CA5A: variants seen among roughly 807,000 people sequenced by gnomAD.
CA5A encodes carbonic anhydrase 5A, also known as carbonic anhydrase 5A, mitochondrial.
A neutral mutation model predicts 37.1 loss-of-function variants in CA5A; 28 were observed. The observed-to-expected ratio is 0.75, with a 90% CI of 0.56 to 1.03. CA5A has a LOEUF of 1.03. CA5A is among the 50% of genes least tolerant of loss of function. The pLI is 0.00. For missense variants in CA5A, 444 were observed against 399.9 expected, an observed-to-expected ratio of 1.11 and a Z score of -0.94; for synonymous variants, 171 against 158.4, an observed-to-expected ratio of 1.08 and a Z score of -0.60.
intron 2 of CA5A, among the ~76,000 whole-genome samples, chr16:87,905,368 GTTTTA>G (rs1012708297): frequency 1.3e-5 from 2 of 152,092 alleles, no homozygotes; most frequent in African/African-American, 4.8e-5. Context: ...GTCTTGTTTT[GTTTTA>G]TTTTAAGACA....
chr16:87,892,328 G>C (rs566024619), intron 5 of CA5A: 1 of 157,590 alleles, frequency 6.3e-6, no homozygotes, highest in East Asian at 1.9e-4. Context: ...TGGTCAACGT[G>C]GTGAAACCCT....
downstream of CA5A, chr16:87,884,826 G>T (rs1469121021): frequency 1.3e-5 from 2 of 152,104 alleles, no homozygotes; most frequent in Non-Finnish European, 2.9e-5. Flanking sequence ...ACATGAAAGG[G>T]CACCTATTGG....
chr16:87,914,488 C>A (rs185310272), intron 2 of CA5A, among the ~76,000 whole-genome samples: 2 of 152,306 alleles, frequency 1.3e-5, no homozygotes, highest in Admixed American at 6.5e-5. Flanking sequence ...CCCCGCTGCA[C>A]CCCCGTCTGT....
rs981865869 is a variant in CA5A at position 87,893,579 on chromosome 16, G to A, written c.619-1625C>T. The A allele has an allele frequency of 3.3e-5, 22 of 672,206 alleles. No homozygotes were observed. The African/African-American group carries it at 3.7e-4, about 11-fold the overall frequency. The allele number at this position is 672,206 out of a possible 1,614,324, so 41.6% of individuals were successfully genotyped here. A position where few individuals can be genotyped will look rare whatever the true frequency, so the allele number is the denominator to read the frequency against. On this transcript the variant is annotated intron_variant, in intron 5 of 6. Coordinates refer to ENST00000649794, the MANE Select transcript of CA5A (RefSeq NM_001739.2). The stretch of plus-strand genomic sequence containing the variant: ...CGGCCTAAAGGTCTGGAGGGTGGGC[G>A]ACCTGCAAGACTCACAAGAGGGGAA...
At chr16:87,932,203 G>A (rs934743382) in intron 1 of CA5A, among the ~76,000 whole-genome samples, 2 of 151,966 alleles carry the variant, frequency 1.3e-5, no homozygotes, top group African/African-American at 4.8e-5. Flanking sequence ...CCCCTCCCAC[G>A]GCCGCTGCCT....
At chr16:87,918,289 T>TG (rs967323758) in intron 2 of CA5A, among the ~76,000 whole-genome samples, 1 of 152,178 alleles carries the variant, frequency 6.6e-6, no homozygotes, top group African/African-American at 2.4e-5. Flanking sequence ...GAGCTGTCTG[T>TG]GGGGGGCACT....
chr16:87,892,031 G>T, intron 5 of CA5A, 77 bp from the exon 6 acceptor site: 1 of 1,322,958 alleles, frequency 7.6e-7, no homozygotes, highest in Non-Finnish European at 1.0e-6. Context: ...AGCACGTGAG[G>T]CCTTCATGGT....
At chr16:87,916,100 G>A (rs569997664) in intron 2 of CA5A, among the ~76,000 whole-genome samples, 10 of 151,356 alleles carry the variant, frequency 6.6e-5, no homozygotes, top group Middle Eastern at 3.4e-3. Flanking sequence ...CCCGGGAGGT[G>A]GAGCTTGCAG....
At chr16:87,930,451 G>A (rs2056386117) in intron 1 of CA5A, among the ~76,000 whole-genome samples, 1 of 152,162 alleles carries the variant, frequency 6.6e-6, no homozygotes, top group Admixed American at 6.6e-5. Flanking sequence ...CCAGTGGCAA[G>A]GACCTCCCCC....
intron 1 of CA5A, among the ~76,000 whole-genome samples, chr16:87,928,724 TC>T (rs2056350469): frequency 6.6e-6 from 1 of 151,530 alleles, no homozygotes; most frequent in African/African-American, 2.4e-5. Context: ...TGCTGTTCTT[TC>T]TCTGTATTCT....
At chr16:87,919,312 C>A (rs557824185) in intron 2 of CA5A, among the ~76,000 whole-genome samples, 2 of 152,224 alleles carry the variant, frequency 1.3e-5, no homozygotes, top group African/African-American at 4.8e-5. Context: ...CTCGGCTGTC[C>A]TGCGGGAGTG....
rs1410480898 is a variant in CA5A at position 87,891,789 on chromosome 16, C to G, written c.774+10G>C. The G allele has an allele frequency of 2.7e-6, 4 of 1,491,846 alleles. No homozygotes were observed. The highest frequency in any genetic ancestry group is 3.6e-6 in the Non-Finnish European group (4 of 1,124,296). The allele number at this position is 1,491,846 out of a possible 1,614,324, so 92.4% of individuals were successfully genotyped here. On this transcript the variant is annotated intron_variant, in intron 6 of 6. Coordinates refer to ENST00000649794, the MANE Select transcript of CA5A (RefSeq NM_001739.2). ...GAAGCGCCATCGTGCCAGTTACGGGCACGGCTCACCTGGCTTGGGGCCACT... is the reference window on the plus strand; with the variant it reads ...GAAGCGCCATCGTGCCAGTTACGGGGACGGCTCACCTGGCTTGGGGCCACT...
chr16:87,900,708 C>A (rs1441635910), intron 5 of CA5A, among the ~76,000 whole-genome samples: 2 of 152,228 alleles, frequency 1.3e-5, no homozygotes, highest in Non-Finnish European at 2.9e-5. Context: ...GATCGCTGGG[C>A]GGAGAGCTGC....
intron 5 of CA5A, chr16:87,893,711 T>C: frequency 1.9e-6 from 1 of 517,084 alleles, no homozygotes. Context: ...GCAGATTTGG[T>C]CGTGGACATG....
chr16:87,895,413 C>G, intron 5 of CA5A, among the ~76,000 whole-genome samples: 1 of 151,932 alleles, frequency 6.6e-6, no homozygotes, highest in Admixed American at 6.6e-5. Context: ...GGCGTGGTGG[C>G]GCATGCCTGT....
chr16:87,920,956 G>A (rs546216649), intron 2 of CA5A, among the ~76,000 whole-genome samples: 1 of 152,068 alleles, frequency 6.6e-6, no homozygotes, highest in Non-Finnish European at 1.5e-5. Context: ...ATCACGCCTG[G>A]CTACTTTTGT....
At chr16:87,899,099 C>G (rs2055841386) in intron 5 of CA5A, among the ~76,000 whole-genome samples, 1 of 151,954 alleles carries the variant, frequency 6.6e-6, no homozygotes. Flanking sequence ...GTGCGCAGCT[C>G]AGGAGTGGTG....
At chr16:87,897,444 C>T (rs2055820861) in intron 5 of CA5A, among the ~76,000 whole-genome samples, 1 of 150,920 alleles carries the variant, frequency 6.6e-6, no homozygotes, top group Non-Finnish European at 1.5e-5. Context: ...TGGGGCTGTG[C>T]CTGCGTGCTG....
chr16:87,928,760 G>GTTTT (rs60994571), intron 1 of CA5A, among the ~76,000 whole-genome samples: 6 of 57,922 alleles, frequency 1.0e-4, no homozygotes, highest in Admixed American at 4.8e-4. Context: ...TCTTTTCTTT[G>GTTTT]TTTTTTTTTT....
Sources: gnomAD v4.1 joint callset for allele counts (sites outside exome capture counted in the v4.1 genomes callset) on GRCh38, gnomAD v4.1.1 for gene constraint, MANE v1.5 for transcripts, NCBI Gene and HGNC (gene_info 2026-07-23, HGNC 2026-07-21) for gene names.